The following NRXN1 variants were observed in gnomAD, a reference collection of about 807,000 sequenced individuals.
The protein encoded by NRXN1 is neurexin 1.
A neutral mutation model predicts 150.9 loss-of-function variants in NRXN1; 39 were observed. The ratio of observed to expected loss-of-function variants is 0.26; its 90% CI spans 0.20 to 0.34. The LOEUF (loss-of-function observed/expected upper bound fraction) is 0.34. Ranked by LOEUF, NRXN1 falls within the 10% of genes least tolerant of loss-of-function variation. The pLI, the probability that NRXN1 is intolerant of heterozygous loss-of-function variation, is 1.00. For synonymous variants in NRXN1, 924 were observed against 757.0 expected, an observed-to-expected ratio of 1.22 and a Z score of -3.62; for missense variants, 1,815 against 1,949.9, an observed-to-expected ratio of 0.93 and a Z score of 1.30.
intron 18 of NRXN1, among the ~76,000 whole-genome samples, chr2:50,108,953 G>C (rs991612823): frequency 2.6e-5 from 4 of 152,052 alleles, no homozygotes; most frequent in Admixed American, 6.6e-5. Flanking sequence ...AAATGAGAGA[G>C]CTAGCCTTCA....
At chr2:51,007,006 C>T (rs1046333107) in intron 2 of NRXN1, among the ~76,000 whole-genome samples, 4 of 151,628 alleles carry the variant, frequency 2.6e-5, no homozygotes, top group Non-Finnish European at 5.9e-5. Context: ...AGTGACCTGC[C>T]TATCTGATGA....
intron 18 of NRXN1, among the ~76,000 whole-genome samples, chr2:50,176,486 T>C (rs2060361857): frequency 6.6e-6 from 1 of 152,084 alleles, no homozygotes; most frequent in South Asian, 2.1e-4. Flanking sequence ...ATGCCTGTTA[T>C]CACCTCTCCA....
chr2:50,598,311 A>G (rs1675579796), intron 8 of NRXN1, among the ~76,000 whole-genome samples: 1 of 152,040 alleles, frequency 6.6e-6, no homozygotes, highest in Non-Finnish European at 1.5e-5. Flanking sequence ...TTAGAATCAC[A>G]TTGATTTAGT....
chr2:50,695,954 T>G (rs1173260036), intron 5 of NRXN1, among the ~76,000 whole-genome samples: 1 of 151,648 alleles, frequency 6.6e-6, no homozygotes, highest in African/African-American at 2.4e-5. Context: ...GCGATTCTTC[T>G]GTCTCAGCCT....
intron 17 of NRXN1, among the ~76,000 whole-genome samples, chr2:50,415,832 T>G (rs187145226): frequency 1.6e-3 from 243 of 147,504 alleles, no homozygotes; most frequent in African/African-American, 5.6e-3. Context: ...TAAATTACAT[T>G]AAAAAAAAAC....
At chr2:50,310,930 T>A (rs4246579) in intron 17 of NRXN1, among the ~76,000 whole-genome samples, 1 of 152,020 alleles carries the variant, frequency 6.6e-6, no homozygotes, top group African/African-American at 2.4e-5. Flanking sequence ...TTAATAATTT[T>A]CAAATTAAAA....
chr2:50,411,270 T>C (rs2083144182), intron 17 of NRXN1, among the ~76,000 whole-genome samples: 1 of 152,234 alleles, frequency 6.6e-6, no homozygotes, highest in Non-Finnish European at 1.5e-5. Flanking sequence ...GCGAGTGATC[T>C]GCCAGCCTTG....
At chr2:50,266,574 T>A (rs61011011) in intron 17 of NRXN1, among the ~76,000 whole-genome samples, 2 of 48,106 alleles carry the variant, frequency 4.2e-5, no homozygotes, top group Non-Finnish European at 9.6e-5. Flanking sequence ...CACACACACA[T>A]ATTTTCTTTC....
intron 8 of NRXN1, among the ~76,000 whole-genome samples, chr2:50,587,296 G>A (rs1417453350): frequency 2.6e-5 from 4 of 152,300 alleles, no homozygotes; most frequent in Non-Finnish European, 5.9e-5. Context: ...ACCAACCTGG[G>A]CAACATGGTG....
At chr2:50,281,418 C>A (rs1432152189) in intron 17 of NRXN1, among the ~76,000 whole-genome samples, 1 of 151,992 alleles carries the variant, frequency 6.6e-6, no homozygotes, top group Non-Finnish European at 1.5e-5. Context: ...CTATGGAGAG[C>A]CTTAGTGAGT....
rs56129869 is a variant in NRXN1 at position 50,162,336 on chromosome 2, T to C, written c.3547-70842A>G. ...AAAATGAATTTATTAAAACTCTTCA[T>C]GGACCTTATATCAAGTCTGCAATCT... On this transcript the variant is annotated intron_variant, in intron 18 of 22. Transcript: ENST00000401669. Among the ~76,000 whole-genome samples, 365 of 152,280 alleles carry C rather than the reference T, an allele frequency of 2.4e-3. 4 individuals carry two copies. Among genetic ancestry groups the C allele is most frequent in the African/African-American group, 8.2e-3 (340 of 41,572 alleles).
chr2:49,969,580 A>G (rs2152493635), intron 21 of NRXN1: 1 of 152,190 alleles, frequency 6.6e-6, no homozygotes, highest in East Asian at 1.9e-4. Flanking sequence ...TATAATCTAT[A>G]CATTTGCATA....
At chr2:50,423,813 G>C (rs1201731445) in intron 17 of NRXN1, among the ~76,000 whole-genome samples, 2 of 152,112 alleles carry the variant, frequency 1.3e-5, no homozygotes, top group Non-Finnish European at 2.9e-5. Flanking sequence ...TGTCAGGAAA[G>C]TGCTTACTAT....
intron 2 of NRXN1, among the ~76,000 whole-genome samples, chr2:51,025,892 C>T (rs562398704): frequency 6.6e-6 from 1 of 152,178 alleles, no homozygotes; most frequent in African/African-American, 2.4e-5. Context: ...ATTACCTAAG[C>T]CAAAATATAA....
rs1327513013 is a variant in NRXN1, at chr2:50,240,224, TG to T, written c.3365-3255del. ...AACAAAGCAAAAAAATCGCAACTAC[TG>T]TTTGTCAAACATTGCCATTATTTCT... On this transcript the variant is annotated intron_variant, in intron 17 of 22. Coordinates refer to ENST00000401669, the MANE Select transcript of NRXN1 (RefSeq NM_001330078.2). 2.0e-5 allele frequency among the ~76,000 whole-genome samples: 3 copies of T among 151,766 alleles called. No homozygotes were observed. In the East Asian group the frequency reaches 5.8e-4, roughly 29 times the overall value.
At chr2:50,628,576 G>T (rs958611070) in intron 5 of NRXN1, among the ~76,000 whole-genome samples, 1 of 151,694 alleles carries the variant, frequency 6.6e-6, no homozygotes, top group Admixed American at 6.6e-5. Flanking sequence ...TACAATCTTT[G>T]TAAGTAAGCT....
At chr2:50,263,602 A>G (rs958145850) in intron 17 of NRXN1, among the ~76,000 whole-genome samples, 2 of 152,168 alleles carry the variant, frequency 1.3e-5, no homozygotes, top group African/African-American at 4.8e-5. Flanking sequence ...AATTAAAAAC[A>G]TAGGGACTTA....
chr2:50,714,813 G>A (rs1188583509), intron 5 of NRXN1, among the ~76,000 whole-genome samples: 1 of 152,166 alleles, frequency 6.6e-6, no homozygotes, highest in Non-Finnish European at 1.5e-5. Flanking sequence ...TCACCAGTAT[G>A]AGCAGGATAA....
intron 5 of NRXN1, among the ~76,000 whole-genome samples, chr2:50,701,605 G>C (rs547017816): frequency 5.3e-5 from 8 of 152,160 alleles, no homozygotes; most frequent in African/African-American, 1.9e-4. Flanking sequence ...CTCTGTCAGC[G>C]TCCTGCATAT....
Sources: gnomAD v4.1 joint callset for allele counts (sites outside exome capture counted in the v4.1 genomes callset) on GRCh38, gnomAD v4.1.1 for gene constraint, MANE v1.5 for transcripts, NCBI Gene and HGNC (gene_info 2026-07-23, HGNC 2026-07-21) for gene names.